Variants in CIAO3 observed in about 807,000 individuals in gnomAD.
CIAO3 encodes cytosolic iron-sulfur assembly component 3, also known as LET1 like/JFP15.
CIAO3 carries 45 observed loss-of-function variants against 51.5 expected under a neutral mutation model. The observed-to-expected ratio is 0.87, with a 90% CI of 0.69 to 1.12. CIAO3 has a LOEUF of 1.12. Ranked by LOEUF, CIAO3 falls within the 50% of genes most tolerant of loss-of-function variation. CIAO3 has a pLI of 0.00. For synonymous variants in CIAO3, 314 were observed against 269.3 expected (o/e 1.17, Z -1.63); for missense variants, 668 against 632.5 (o/e 1.06, Z -0.60).
intron 7 of CIAO3, chr16:732,771 G>A (rs1596671000): frequency 2.9e-6 from 1 of 344,616 alleles, no homozygotes; most frequent in East Asian, 7.6e-5. Context: ...CGAGTAGCTG[G>A]GATTACAGGA....
chr16:729,849 T>C lies in CIAO3; in HGVS notation c.*568A>G. The C allele has an allele frequency of 1.8e-6, 1 of 566,856 alleles. No homozygotes were observed. Among genetic ancestry groups the C allele is most frequent in the South Asian group, 2.0e-5 (1 of 50,522 alleles). The allele number at this position is 566,856 out of a possible 1,614,324, so 35.1% of individuals were successfully genotyped here. On this transcript the variant is annotated 3_prime_UTR_variant, in exon 11 of 11. Transcript: ENST00000251588. ...GGCTGGGGGATGATGCAGCCCGCGA[T>C]GGCTGCTGCTTCGTACTTGGCTTGC...
chr16:740,749 C>T (rs1033575461), intron 1 of CIAO3, 171 bp downstream of exon 1: 2 of 594,576 alleles, frequency 3.4e-6, no homozygotes, highest in Non-Finnish European at 5.7e-6. Flanking sequence ...AGAAGCGGGC[C>T]TCAGTGTCTG....
intron 3 of CIAO3, 120 bp from the exon 4 acceptor site, chr16:736,518 CTTTT>C (rs57355119): frequency 3.3e-5 from 33 of 985,246 alleles, no homozygotes; most frequent in Non-Finnish European, 4.3e-5. Context: ...CATCAAGAGT[CTTTT>C]TTTTTTTTTT....
Position 729,875 on chromosome 16 carries a change from C to T in CIAO3, c.*542G>A, listed in dbSNP as rs1596667186. 6.7e-6 allele frequency: 3 copies of T among 446,076 alleles called. No homozygotes were observed. In the East Asian group the frequency reaches 2.2e-4, roughly 32 times the overall value. The allele number at this position is 446,076 out of a possible 1,614,324, so 27.6% of individuals were successfully genotyped here. On this transcript the variant is annotated 3_prime_UTR_variant, in exon 11 of 11. Coordinates refer to ENST00000251588, the MANE Select transcript of CIAO3 (RefSeq NM_022493.3). ...GGCTGCTGCTTCGTACTTGGCTTGC[C>T]CCGGACCACAGCCTCGTAACGGTAA... is the stretch of plus-strand genomic sequence containing the variant.
intron 7 of CIAO3, chr16:732,632 CA>C (rs1412416929): frequency 1.8e-6 from 1 of 557,572 alleles, no homozygotes. Flanking sequence ...TCCTCTTAGG[CA>C]GTCTGCTTTT....
At chr16:738,748 A>G (rs1279487379) in intron 2 of CIAO3, among the ~76,000 whole-genome samples, 2 of 151,150 alleles carry the variant, frequency 1.3e-5, no homozygotes, top group African/African-American at 4.9e-5. Flanking sequence ...CCCAGGTTCA[A>G]GTGATTCTCC....
In CIAO3 at chr16:737,475, G is replaced by T. The variant is rs904279965; in HGVS notation, c.163-146C>A. On this transcript the variant is annotated intron_variant, in intron 2 of 10. Coordinates refer to ENST00000251588, the MANE Select transcript of CIAO3 (RefSeq NM_022493.3). This position sits in a 1 kb window ranked among gnomAD's most constrained non-coding sequence, Gnocchi z 5.3. ...CGCTGAATTTTTAAAAATTAGGTAT[G>T]TATTACAAAAATGCACACGCACGCT... 5.3e-5 allele frequency: 81 copies of T among 1,526,888 alleles called. No homozygotes were observed. The highest frequency in any genetic ancestry group is 6.9e-5 in the Non-Finnish European group (79 of 1,139,772). 94.6% of individuals were successfully genotyped at this position (1,526,888 alleles called of 1,614,324 possible).
Position 730,632 on chromosome 16 carries a change from G to C in CIAO3, c.1216C>G (p.Leu406Val). 6.2e-7 allele frequency: 1 copy of C among 1,609,430 alleles called. No individual in the cohort carries two copies. The highest frequency in any genetic ancestry group is 1.1e-5 in the South Asian group (1 of 91,072). The part of the protein sequence containing the change: ...PSGCLNGGGQ[L>V]QAPDRPSREL... ...CTGCTGGGCCTGTCTGGGGCCTGGAGCTGGCCCCCGCCGTTCAGGCAGCCT... is the reference window on the plus strand; with the variant it reads ...CTGCTGGGCCTGTCTGGGGCCTGGACCTGGCCCCCGCCGTTCAGGCAGCCT... The change falls in exon 11 of 11, where the codon CTC becomes GTC. Residue 406 changes from leucine (L) to valine (V), a missense_variant. Transcript: ENST00000251588.
intron 2 of CIAO3, chr16:738,412 G>C: frequency 2.5e-6 from 2 of 798,846 alleles, no homozygotes; most frequent in Non-Finnish European, 3.0e-6. Context: ...GCAGTGGTGC[G>C]ATCTCGGCTC....
At chr16:733,263 G>C (rs752585437) in intron 7 of CIAO3, 35 bp downstream of exon 7, 1 of 1,609,770 alleles carries the variant, frequency 6.2e-7, no homozygotes, top group Admixed American at 1.7e-5. Context: ...AGACCAGGAG[G>C]CTTGAGGGCT....
At chr16:733,685 C>G in intron 6 of CIAO3, 1 of 505,718 alleles carries the variant, frequency 2.0e-6, no homozygotes, top group South Asian at 2.1e-5. Context: ...GGAGAAGTGG[C>G]CTTCCCACGG....
At chr16:735,810 T>C (rs1038251730) in intron 4 of CIAO3, among the ~76,000 whole-genome samples, 3 of 152,140 alleles carry the variant, frequency 2.0e-5, no homozygotes, top group Non-Finnish European at 4.4e-5. Flanking sequence ...TGGTTACCTG[T>C]GAAAGGCACA....
chr16:731,802 G>A, intron 8 of CIAO3, 100 bp from the exon 9 acceptor site: 2 of 1,400,016 alleles, frequency 1.4e-6, no homozygotes, highest in Non-Finnish European at 1.9e-6. Context: ...GCATTTCCAG[G>A]TGGGAGACAA....
At chr16:733,859 G>A (rs572068455) in intron 6 of CIAO3, 4 of 368,906 alleles carry the variant, frequency 1.1e-5, no homozygotes, top group East Asian at 6.6e-5. Context: ...GCCCTCTCCC[G>A]CCCCCTGCTG....
At chr16:735,198 G>A (rs1373875587) in intron 4 of CIAO3, 4 of 290,506 alleles carry the variant, frequency 1.4e-5, no homozygotes, top group South Asian at 7.0e-5. Context: ...TGCCACGTGC[G>A]CTGCTCCCGG....
In CIAO3 at chr16:731,618, C is replaced by T. The variant is rs746844896; in HGVS notation, c.981G>A (p.Ala327=). 2.9e-5 allele frequency: 46 copies of T among 1,562,098 alleles called. No homozygotes were observed. The highest frequency in any genetic ancestry group is 6.8e-5 in the African/African-American group (5 of 73,520). ...GGYLEHVFRH[A]ARELFGIHVA... ...CATGGATTCCAAAGAGCTCTCGGGC[C>T]GCGTGCCGGAACACGTGCTCCAGGT... Residue 327 remains alanine, a synonymous_variant, in exon 9 of 11, where the codon GCG becomes GCA. Coordinates refer to ENST00000251588, the MANE Select transcript of CIAO3 (RefSeq NM_022493.3).
At position 734,841 on chromosome 16, in the gene CIAO3, G is replaced by A. The variant is rs1188955841; in HGVS notation, c.470C>T (p.Ser157Leu). The A allele has an allele frequency of 1.9e-6, 3 of 1,582,156 alleles. No homozygotes were observed. Among genetic ancestry groups the A allele is most frequent in the Non-Finnish European group, 2.6e-6 (3 of 1,160,044 alleles). The part of the protein sequence containing the change: ...GVHFVFDTAF[S>L]RHFSLLESQR... ...GCTCTCCAGGAGGCTGAAGTGCCTT[G>A]AGAAGGCGGTGTCGAAGACGAAGTG... Residue 157 changes from serine (S) to leucine (L), a missense_variant, in exon 5 of 11, where the codon TCA becomes TTA. Physicochemically the swap from Ser to Leu is moderately radical, Grantham distance 145. Coordinates refer to ENST00000251588, the MANE Select transcript of CIAO3 (RefSeq NM_022493.3).
In CIAO3 at chr16:735,158, C is replaced by T. The variant is rs79812038; in HGVS notation, c.440-287G>A. 1.8e-3 allele frequency: 702 copies of T among 390,494 alleles called. 5 individuals carry two copies. Among genetic ancestry groups the T allele is most frequent in the African/African-American group, 0.013 (653 of 49,482 alleles). 24.2% of individuals were successfully genotyped at this position (390,494 alleles called of 1,614,324 possible). On this transcript the variant is annotated intron_variant, in intron 4 of 10. Transcript: ENST00000251588. Reference sequence around the variant, plus strand: ...CCAGCAGCTCAGTCCTCCACCCTCCCAGCTCTTCAGCGTGGCTGGTCCAGG... The same window carrying T: ...CCAGCAGCTCAGTCCTCCACCCTCCTAGCTCTTCAGCGTGGCTGGTCCAGG...
At position 730,481 on chromosome 16, in the gene CIAO3, C is replaced by T. The variant is rs778425484; in HGVS notation, c.1367G>A (p.Arg456His). ...LQGTDSECAGRLLHTQYHAVE... is the reference protein window; with the variant it reads ...LQGTDSECAGHLLHTQYHAVE... ...GGCGTGGTACTGCGTATGCAGCAAG[C>T]GACCTGCACACTCCGAGTCCGTGCC... is the stretch of plus-strand genomic sequence containing the variant. The change falls in exon 11 of 11, where the codon CGC becomes CAC. Residue 456 changes from arginine (R) to histidine (H), a missense_variant. Physicochemically the swap from Arg to His is conservative, Grantham distance 29. Transcript: ENST00000251588. The T allele has an allele frequency of 2.1e-5, 33 of 1,608,576 alleles. No homozygotes were observed. The East Asian group carries it at 3.1e-4, about 15-fold the overall frequency.
Sources: gnomAD v4.1 joint callset for allele counts (sites outside exome capture counted in the v4.1 genomes callset) on GRCh38, gnomAD v4.1.1 for gene constraint, Gnocchi (gnomAD v3.1) non-coding constraint, MANE v1.5 for transcripts, NCBI Gene and HGNC (gene_info 2026-07-23, HGNC 2026-07-21) for gene names.